NXF1: variants seen among roughly 807,000 people sequenced by gnomAD.
NXF1 encodes mRNA export factor TAP.
NXF1 carries 43 observed loss-of-function variants against 92.4 expected under a neutral mutation model. The observed-to-expected ratio is 0.47, with a 90% confidence interval of 0.36 to 0.60. The LOEUF (loss-of-function observed/expected upper bound fraction) is 0.60. Among genes scored for constraint, NXF1 ranks in the 20% least tolerant of loss-of-function variants. The pLI, the probability that NXF1 is intolerant of heterozygous loss-of-function variation, is 0.00. For synonymous variants in NXF1, 288 were observed against 292.2 expected (o/e 0.99, Z 0.15); for missense variants, 576 against 793.0 (o/e 0.73, Z 3.29).
Position 62,796,049 on chromosome 11 carries a change from C to T in NXF1, c.1461+17G>A, listed in dbSNP as rs533798568. 2.4e-5 allele frequency: 39 copies of T among 1,601,666 alleles called. No homozygotes were observed. The highest frequency in any genetic ancestry group is 1.8e-4 in the South Asian group (16 of 90,880). On this transcript the variant is annotated intron_variant, in intron 16 of 20. Transcript: ENST00000294172. ...ACCCCAATTCTAGGCTTCTGTCAGGCGCAAGCAGGAGCTTACTGTCTGGGC... is the reference window on the plus strand; with the variant it reads ...ACCCCAATTCTAGGCTTCTGTCAGGTGCAAGCAGGAGCTTACTGTCTGGGC...
chr11:62,803,355 A>G, intron 3 of NXF1, 64 bp downstream of exon 3: 1 of 1,296,288 alleles, frequency 7.7e-7, no homozygotes, highest in Non-Finnish European at 1.1e-6. Flanking sequence ...ATAAAATTAA[A>G]CATCTCCACT....
intron 3 of NXF1, 105 bp downstream of exon 3, chr11:62,803,314 T>A (rs1216790163): frequency 3.0e-6 from 3 of 1,000,348 alleles, no homozygotes; most frequent in African/African-American, 1.6e-5. Context: ...AGACTCCATT[T>A]AAAAAAAATA....
chr11:62,793,468 T>C (rs761411901), intron 19 of NXF1, among the ~76,000 whole-genome samples: 2 of 152,120 alleles, frequency 1.3e-5, no homozygotes, highest in South Asian at 4.1e-4. Context: ...CCGCAGCACT[T>C]TGGGAGGCCT....
intron 1 of NXF1, 29 bp downstream of exon 1, chr11:62,805,300 C>T (rs1429600756): frequency 1.0e-5 from 16 of 1,594,778 alleles, no homozygotes; most frequent in Admixed American, 6.9e-5. Context: ...CCCAGATAGC[C>T]AGTTCCCGAC....
Position 62,798,593 on chromosome 11 carries a change from GAAGT to G in NXF1, c.1017-22_1017-19del. 2 of 1,613,924 alleles carry G rather than the reference GAAGT, an allele frequency of 1.2e-6. No individual in the cohort carries two copies. Among genetic ancestry groups the G allele is most frequent in the Non-Finnish European group, 8.5e-7 (1 of 1,179,928 alleles). On this transcript the variant is annotated intron_variant, in intron 10 of 20. Coordinates refer to ENST00000294172, the MANE Select transcript of NXF1 (RefSeq NM_006362.5). The stretch of plus-strand genomic sequence containing the variant: ...GAATGGCGCTGTCAAGAACGGGACA[GAAGT>G]GAGTGATGCTTCAGAGCCACCGTGC...
chr11:62,794,700 T>C (rs543034634), intron 18 of NXF1: 20 of 588,514 alleles, frequency 3.4e-5, no homozygotes, highest in African/African-American at 3.3e-4. Context: ...TATTGTTATA[T>C]GAATTTTCAG....
rs138285302 is a variant in NXF1, at chr11:62,800,564, C to T, written c.907-78G>A. 376 of 868,144 alleles carry T rather than the reference C, an allele frequency of 4.3e-4. No homozygotes were observed. The African/African-American group carries it at 5.6e-3, about 13-fold the overall frequency. 53.8% of individuals were successfully genotyped at this position (868,144 alleles called of 1,614,324 possible). On this transcript the variant is annotated intron_variant, in intron 9 of 20. Transcript: ENST00000294172. Reference sequence around the variant, plus strand: ...TGGCTCCCCATACCCCCAGTCCCTACGCTTAGCTCTGAGATCTTTTCTAAT... The same window carrying T: ...TGGCTCCCCATACCCCCAGTCCCTATGCTTAGCTCTGAGATCTTTTCTAAT...
intron 1 of NXF1, 129 bp downstream of exon 1, chr11:62,805,200 C>G (rs971632357): frequency 1.2e-6 from 1 of 800,656 alleles, no homozygotes; most frequent in South Asian, 3.9e-5. Context: ...GAGTGCCCGG[C>G]CCCCCGCGCG....
intron 1 of NXF1, chr11:62,805,010 GCACT>G (rs759634672): frequency 1.4e-5 from 4 of 293,362 alleles, no homozygotes; most frequent in Non-Finnish European, 2.5e-5. Flanking sequence ...CACGAGCAGG[GCACT>G]CACTCACATT....
intron 1 of NXF1, chr11:62,804,307 A>G (rs1352963906): frequency 1.1e-6 from 1 of 946,306 alleles, no homozygotes; most frequent in Non-Finnish European, 1.5e-6. Context: ...TCTGCCACTC[A>G]GTACTTTGTC....
At chr11:62,795,472 CTCAAAAAAAAG>C in intron 17 of NXF1, 1 of 219,478 alleles carries the variant, frequency 4.6e-6, no homozygotes, top group South Asian at 7.4e-5. Context: ...GTGACTCCAT[CTCAAAAAAAAG>C]TAATAACTAC....
chr11:62,796,089 C>T lies in NXF1; in HGVS notation c.1438G>A (p.Val480Met), dbSNP rs749871563. 9 of 1,613,648 alleles carry T rather than the reference C, an allele frequency of 5.6e-6. No homozygotes were observed. In the Admixed American group the frequency reaches 1.0e-4, roughly 18 times the overall value. The change falls in exon 16 of 21, where the codon GTG (valine) becomes ATG (methionine). Residue 480 changes from valine (V) to methionine (M), a missense_variant. Around this residue, in one of 2 missense-constraint regions of NXF1, gnomAD observed 425 missense variants for 635.2 expected, o/e 0.67. Coordinates refer to ENST00000294172, the MANE Select transcript of NXF1 (RefSeq NM_006362.5). ...ACTGTCTGGGCGCTTATGTCTACCA[C>T]GAAGGAATTGACGTCGTGCTGGGTT... The part of the protein sequence containing the change: ...PKTQHDVNSF[V>M]VDISAQTSTL...
chr11:62,804,141 CTG>C, intron 1 of NXF1, 163 bp from the exon 2 acceptor site: 1 of 1,545,506 alleles, frequency 6.5e-7, no homozygotes, highest in Non-Finnish European at 8.7e-7. Flanking sequence ...AGAACCCTCT[CTG>C]TGGGAGGGCA....
At chr11:62,798,930 G>A (rs1310025579) in intron 10 of NXF1, 2 of 1,087,058 alleles carry the variant, frequency 1.8e-6, no homozygotes, top group African/African-American at 1.7e-5. Flanking sequence ...TGGGAGCCCA[G>A]GGGCTCCGCT....
At chr11:62,795,851 C>T in intron 17 of NXF1, 50 bp downstream of exon 17, 1 of 1,558,576 alleles carries the variant, frequency 6.4e-7, no homozygotes, top group Non-Finnish European at 8.8e-7. Context: ...AGGAAAATTC[C>T]AGCTGGGGGT....
chr11:62,798,682 C>T (rs1019916402), intron 10 of NXF1, 107 bp from the exon 11 acceptor site: 2 of 1,563,196 alleles, frequency 1.3e-6, no homozygotes, highest in Non-Finnish European at 1.7e-6. Context: ...TCCCATCCTG[C>T]TCATCCCTCC....
In NXF1 at chr11:62,792,213, G is replaced by T; in HGVS notation, c.*263C>A. On this transcript the variant is annotated 3_prime_UTR_variant, in exon 21 of 21. Coordinates refer to ENST00000294172, the MANE Select transcript of NXF1 (RefSeq NM_006362.5). Reference sequence around the variant, plus strand: ...TATTAAAAAGTAAGGAGGTCCTGGGGTTAAGTACACAAAGCACCTAAGTCC... The same window carrying T: ...TATTAAAAAGTAAGGAGGTCCTGGGTTTAAGTACACAAAGCACCTAAGTCC... The T allele has an allele frequency of 6.1e-6, 4 of 651,888 alleles. No individual in the cohort carries two copies. In the Admixed American group the frequency reaches 8.6e-5, roughly 14 times the overall value. The allele number at this position is 651,888 out of a possible 1,614,324, so 40.4% of individuals were successfully genotyped here.
At chr11:62,796,597 GCTCTGTGGT>G in intron 13 of NXF1, 30 bp from the exon 14 acceptor site, 2 of 1,470,390 alleles carry the variant, frequency 1.4e-6, no homozygotes, top group Non-Finnish European at 1.9e-6. Context: ...GAAAGTATGG[GCTCTGTGGT>G]CTACAGCCAT....
chr11:62,794,506 TTC>T (rs1337319516), intron 18 of NXF1, 66 bp from the exon 19 acceptor site: 7 of 1,406,986 alleles, frequency 5.0e-6, no homozygotes, highest in Non-Finnish European at 6.0e-6. Flanking sequence ...ATCATTCCTA[TTC>T]TCTGATTCTT....
Sources: allele counts gnomAD v4.1 joint callset (sites outside exome capture counted in the v4.1 genomes callset), GRCh38; gene constraint gnomAD v4.1.1; regional missense constraint gnomAD v4.1.1; transcripts MANE v1.5; gene names NCBI Gene and HGNC (gene_info 2026-07-23, HGNC 2026-07-21).